The following CYP7B1 variants were observed in gnomAD, a reference collection of about 807,000 sequenced individuals.
CYP7B1 encodes cytochrome P450 family 7 subfamily B member 1.
In CYP7B1, 29 loss-of-function variants were observed where a neutral mutation model predicts 42.7. The observed-to-expected ratio is 0.68, with a 90% CI of 0.51 to 0.93. The LOEUF (loss-of-function observed/expected upper bound fraction) is 0.93, where lower values mean the gene tolerates loss of function less well. Among genes scored for constraint, CYP7B1 ranks in the 40% least tolerant of loss-of-function variants. The pLI, the probability that CYP7B1 is intolerant of heterozygous loss-of-function variation, is 0.00. For synonymous variants in CYP7B1, 235 were observed against 218.2 expected, an observed-to-expected ratio of 1.08 and a Z score of -0.68; for missense variants, 655 against 600.5, an observed-to-expected ratio of 1.09 and a Z score of -0.95.
chr8:64,599,347 C>T (rs1805165780), intron 5 of CYP7B1, among the ~76,000 whole-genome samples: 1 of 152,064 alleles, frequency 6.6e-6, no homozygotes, highest in Non-Finnish European at 1.5e-5. Flanking sequence ...CACCACCACG[C>T]CCGGCTAATT....
At chr8:64,600,158 T>C (rs1203382329) in intron 5 of CYP7B1, among the ~76,000 whole-genome samples, 2 of 152,222 alleles carry the variant, frequency 1.3e-5, no homozygotes, top group Non-Finnish European at 2.9e-5. Flanking sequence ...GAATATTCAG[T>C]GTTTACAAAT....
At chr8:64,637,509 A>G (rs1034629397) in intron 1 of CYP7B1, among the ~76,000 whole-genome samples, 1 of 152,168 alleles carries the variant, frequency 6.6e-6, no homozygotes, top group Admixed American at 6.6e-5. Context: ...ATTTTAAGTC[A>G]CTGCATGAAT....
chr8:64,752,252 G>C (rs1378083245), intron 1 of CYP7B1, among the ~76,000 whole-genome samples: 1 of 151,894 alleles, frequency 6.6e-6, no homozygotes, highest in East Asian at 1.9e-4. Flanking sequence ...TAGATCATGA[G>C]TGATACACAC....
chr8:64,771,339 C>G, intron 1 of CYP7B1, among the ~76,000 whole-genome samples: 1 of 151,878 alleles, frequency 6.6e-6, no homozygotes, highest in Admixed American at 6.6e-5. Context: ...GGATTACAGT[C>G]GTGAGCCACC....
At chr8:64,662,438 C>T (rs140524116) in intron 1 of CYP7B1, among the ~76,000 whole-genome samples, 2 of 152,168 alleles carry the variant, frequency 1.3e-5, no homozygotes, top group African/African-American at 4.8e-5. Context: ...TCTAATTTAC[C>T]CTTCACAATA....
intron 4 of CYP7B1, 38 bp from the exon 5 acceptor site, chr8:64,604,895 G>T (rs770657608): frequency 1.2e-6 from 2 of 1,600,022 alleles, no homozygotes; most frequent in Non-Finnish European, 1.7e-6. Flanking sequence ...ATTAAGATAG[G>T]GCTGGTCCTG....
At chr8:64,759,150 A>G (rs892045934) in intron 1 of CYP7B1, among the ~76,000 whole-genome samples, 2 of 152,218 alleles carry the variant, frequency 1.3e-5, no homozygotes, top group African/African-American at 4.8e-5. Flanking sequence ...AGAAATCTGA[A>G]TCTGCTGTAG....
At chr8:64,770,386 A>T (rs1048027001) in intron 1 of CYP7B1, among the ~76,000 whole-genome samples, 1 of 152,194 alleles carries the variant, frequency 6.6e-6, no homozygotes, top group Non-Finnish European at 1.5e-5. Context: ...CTTGTCTTCA[A>T]TCTCAGAGCT....
intron 1 of CYP7B1, among the ~76,000 whole-genome samples, chr8:64,716,682 G>A (rs986146885): frequency 1.3e-5 from 2 of 152,062 alleles, no homozygotes; most frequent in South Asian, 2.1e-4. Flanking sequence ...ACTCCAGCTC[G>A]GGCAACAGAG....
At chr8:64,752,749 G>A (rs1411200894) in intron 1 of CYP7B1, among the ~76,000 whole-genome samples, 1 of 152,060 alleles carries the variant, frequency 6.6e-6, no homozygotes, top group Non-Finnish European at 1.5e-5. Flanking sequence ...CAAATATAGG[G>A]TCAAATTTTA....
Position 64,693,522 on chromosome 8 carries a change from C to A in CYP7B1, c.123-68983G>T, listed in dbSNP as rs563214237. ...CCTTGTAGATTATACTTAAATGATC[C>A]TTTCCTCTAACATTTCTAATAATAA... On this transcript the variant is annotated intron_variant, in intron 1 of 5. Coordinates refer to ENST00000310193, the MANE Select transcript of CYP7B1 (RefSeq NM_004820.5). 3.3e-5 allele frequency among the ~76,000 whole-genome samples: 5 copies of A among 152,272 alleles called. No homozygotes were observed. In the South Asian group the frequency reaches 1.0e-3, roughly 32 times the overall value.
At chr8:64,675,666 G>A (rs1240481849) in intron 1 of CYP7B1, among the ~76,000 whole-genome samples, 1 of 151,950 alleles carries the variant, frequency 6.6e-6, no homozygotes, top group African/African-American at 2.4e-5. Flanking sequence ...TCCACTCTGG[G>A]GATCAAGTAC....
intron 1 of CYP7B1, among the ~76,000 whole-genome samples, chr8:64,717,076 G>C (rs1238082916): frequency 6.6e-6 from 1 of 152,164 alleles, no homozygotes; most frequent in Non-Finnish European, 1.5e-5. Context: ...TGTCTCTTTA[G>C]TGCTGGTAAT....
chr8:64,764,229 G>GCCCCCCGCCCC (rs1807936217), intron 1 of CYP7B1, among the ~76,000 whole-genome samples: 1 of 125,150 alleles, frequency 8.0e-6, no homozygotes, highest in Non-Finnish European at 1.7e-5. Flanking sequence ...CTTCCACGCT[G>GCCCCCCGCCCC]CCCCCCCCAC....
intron 1 of CYP7B1, among the ~76,000 whole-genome samples, chr8:64,723,171 ACT>A (rs1807271830): frequency 1.3e-5 from 2 of 152,194 alleles, no homozygotes; most frequent in African/African-American, 4.8e-5. Context: ...ACATGAGATA[ACT>A]CTGCAGCATG....
intron 1 of CYP7B1, among the ~76,000 whole-genome samples, chr8:64,754,869 A>G (rs1184067597): frequency 1.3e-5 from 2 of 152,226 alleles, no homozygotes; most frequent in Non-Finnish European, 1.5e-5. Context: ...GGTAAGGCCT[A>G]TATTTCTATA....
intron 1 of CYP7B1, among the ~76,000 whole-genome samples, chr8:64,745,821 G>A (rs1021681847): frequency 1.3e-5 from 2 of 152,146 alleles, no homozygotes; most frequent in Non-Finnish European, 2.9e-5. Flanking sequence ...TTGCTCTATA[G>A]TACGCTTGGG....
chr8:64,605,883 A>G (rs532795802), intron 4 of CYP7B1, among the ~76,000 whole-genome samples: 48 of 152,296 alleles, frequency 3.2e-4, no homozygotes, highest in South Asian at 3.1e-3. Flanking sequence ...CCCGTTTCTC[A>G]GTGTTCAGCA....
chr8:64,777,319 C>T (rs1432305395), intron 1 of CYP7B1, among the ~76,000 whole-genome samples: 1 of 151,974 alleles, frequency 6.6e-6, no homozygotes, highest in African/African-American at 2.4e-5. Flanking sequence ...AATTTCATAG[C>T]AATAGCACTT....
Sources: allele counts gnomAD v4.1 joint callset (sites outside exome capture counted in the v4.1 genomes callset), GRCh38; gene constraint gnomAD v4.1.1; transcripts MANE v1.5; gene names NCBI Gene and HGNC (gene_info 2026-07-23, HGNC 2026-07-21).